The following ALG12 variants were observed in gnomAD, a reference collection of about 807,000 sequenced individuals.
ALG12 encodes the protein dol-P-Man:Man(7)GlcNAc(2)-PP-Dol alpha-1,6-mannosyltransferase.
In ALG12, 36 loss-of-function variants were observed where a neutral mutation model predicts 46.0. The ratio of observed to expected loss-of-function variants is 0.78; its 90% CI spans 0.60 to 1.03. ALG12 has a LOEUF of 1.03. Ranked by LOEUF, ALG12 falls within the 50% of genes least tolerant of loss-of-function variation. The pLI is 0.00. For missense variants in ALG12, 599 were observed against 633.5 expected, an observed-to-expected ratio of 0.95 and a Z score of 0.58; for synonymous variants, 326 against 291.6, an observed-to-expected ratio of 1.12 and a Z score of -1.20.
chr22:49,877,440 T>C, the ALG12 span, among the ~76,000 whole-genome samples: 8 of 151,734 alleles, frequency 5.3e-5, no homozygotes, highest in African/African-American at 1.9e-4. Context: ...TACAGATATG[T>C]ACCACCACAC....
At chr22:49,899,301 C>T (rs2060494851), downstream of ALG12, among the ~76,000 whole-genome samples, 1 of 151,904 alleles carries the variant, frequency 6.6e-6, no homozygotes, top group Admixed American at 6.6e-5. Context: ...ATGGTGAAAC[C>T]CTGTCTCTAC....
the ALG12 span, among the ~76,000 whole-genome samples, chr22:49,872,344 C>T: frequency 3.3e-5 from 5 of 152,160 alleles, no homozygotes; most frequent in East Asian, 9.6e-4. Flanking sequence ...AAGAGTACAG[C>T]AATTCCGCCG....
intron 1 of ALG12, among the ~76,000 whole-genome samples, chr22:49,917,170 T>G (rs1049283813): frequency 6.6e-6 from 1 of 152,244 alleles, no homozygotes; most frequent in Non-Finnish European, 1.5e-5. Flanking sequence ...GACACTGTCC[T>G]GCACTAGCCC....
chr22:49,867,292 G>A, the ALG12 span, among the ~76,000 whole-genome samples: 1 of 152,126 alleles, frequency 6.6e-6, no homozygotes, highest in Non-Finnish European at 1.5e-5. Flanking sequence ...AATGCCCAAC[G>A]CGTATGTTAT....
At chr22:49,914,697 G>T (rs1330323376) in intron 1 of ALG12, among the ~76,000 whole-genome samples, 1 of 152,212 alleles carries the variant, frequency 6.6e-6, no homozygotes, top group African/African-American at 2.4e-5. Flanking sequence ...AGAAGCAAAG[G>T]GAGAGAGAAC....
chr22:49,884,926 G>A, the ALG12 span: 1 of 1,605,970 alleles, frequency 6.2e-7, no homozygotes, highest in African/African-American at 1.3e-5. Flanking sequence ...TGACATAGGG[G>A]AGGCCTCGGC....
the ALG12 span, among the ~76,000 whole-genome samples, chr22:49,868,503 C>T: frequency 6.6e-6 from 1 of 152,092 alleles, no homozygotes; most frequent in Admixed American, 6.6e-5. Context: ...TACTTGAGCT[C>T]ATGAGGCGGA....
chr22:49,904,391 A>G lies in ALG12; in HGVS notation c.1108T>C (p.Tyr370His). Residue 370 changes from tyrosine (Y) to histidine (H), a missense_variant, in exon 8 of 10, where the codon TAC becomes CAC. Tyr to His is a moderately conservative substitution (Grantham distance 83). Transcript: ENST00000330817. ...CTCTGCATTGCGACGCCACCTGGGT[A>G]GTTGAAATGGGACACATACAGGGCC... is the stretch of plus-strand genomic sequence containing the variant. The part of the protein sequence containing the change: ...ATALYVSHFN[Y>H]PGGVAMQRLH... 2 of 1,614,168 alleles carry G rather than the reference A, an allele frequency of 1.2e-6. No individual in the cohort carries two copies. Among genetic ancestry groups the G allele is most frequent in the Non-Finnish European group, 8.5e-7 (1 of 1,180,024 alleles).
At chr22:49,865,493 CAAA>C in the ALG12 span, among the ~76,000 whole-genome samples, 2 of 144,712 alleles carry the variant, frequency 1.4e-5, no homozygotes, top group South Asian at 2.2e-4. Flanking sequence ...TATTAAAATA[CAAA>C]AAAAAAAAAA....
At chr22:49,895,303 T>C (rs1177366490), downstream of ALG12, among the ~76,000 whole-genome samples, 1 of 152,128 alleles carries the variant, frequency 6.6e-6, no homozygotes, top group Non-Finnish European at 1.5e-5. Flanking sequence ...TAGGGTCCTT[T>C]GTAGGGATTT....
In ALG12 at chr22:49,913,249, C is replaced by T. The variant is rs764902470; in HGVS notation, c.295+136G>A. The T allele has an allele frequency of 2.4e-5, 34 of 1,396,016 alleles. No homozygotes were observed. In the Admixed American group the frequency reaches 3.1e-4, roughly 13 times the overall value. 86.5% of individuals were successfully genotyped at this position (1,396,016 alleles called of 1,614,324 possible). ...CCTGACCTGAGCACCTGCTCTGAGC[C>T]GCCATGCCACGGTGATCGAGGGCAG... is the stretch of plus-strand genomic sequence containing the variant. On this transcript the variant is annotated intron_variant, in intron 3 of 9. Coordinates refer to ENST00000330817, the MANE Select transcript of ALG12 (RefSeq NM_024105.4).
the ALG12 span, among the ~76,000 whole-genome samples, chr22:49,868,000 A>G: frequency 6.6e-6 from 1 of 152,230 alleles, no homozygotes; most frequent in African/African-American, 2.4e-5. Flanking sequence ...AAAGATCAAC[A>G]TTCAGAATTC....
the ALG12 span, among the ~76,000 whole-genome samples, chr22:49,883,007 C>T: frequency 6.6e-6 from 1 of 152,194 alleles, no homozygotes; most frequent in East Asian, 1.9e-4. Context: ...GCTGTGAGTA[C>T]CTCTCATGAA....
In ALG12 at chr22:49,906,808, C is replaced by T. The variant is rs2060544521; in HGVS notation, c.992+913G>A. ...TCAGCCCTGGGTTCTTCCGCAGCACCCACAGGGCCAGCAGTGATGGACTCT... is the reference window on the plus strand; with the variant it reads ...TCAGCCCTGGGTTCTTCCGCAGCACTCACAGGGCCAGCAGTGATGGACTCT... On this transcript the variant is annotated intron_variant, in intron 7 of 9. Coordinates refer to ENST00000330817, the MANE Select transcript of ALG12 (RefSeq NM_024105.4). The surrounding 1 kb of genome is among the most constrained non-coding windows in gnomAD (Gnocchi z 4.4). Among the ~76,000 whole-genome samples, 1 of 152,138 alleles carries T rather than the reference C, an allele frequency of 6.6e-6. No homozygotes were observed. The highest frequency in any genetic ancestry group is 1.5e-5 in the Non-Finnish European group (1 of 68,014).
At position 49,913,525 on chromosome 22, in the gene ALG12, G is replaced by A. The variant is rs2060592285; in HGVS notation, c.163-8C>T. On this transcript the variant is annotated splice_polypyrimidine_tract_variant and splice_region_variant and intron_variant, in intron 2 of 9. Transcript: ENST00000330817. ...GAACTCAAGATGGTCGTACTGCGAG[G>A]AGAAGGGCAGGTCAGTGCACCGGGG... 1 of 1,613,952 alleles carries A rather than the reference G, an allele frequency of 6.2e-7. No individual in the cohort carries two copies. Among genetic ancestry groups the A allele is most frequent in the South Asian group, 1.1e-5 (1 of 91,074 alleles).
At chr22:49,880,490 G>C in the ALG12 span, among the ~76,000 whole-genome samples, 1 of 152,234 alleles carries the variant, frequency 6.6e-6, no homozygotes, top group Non-Finnish European at 1.5e-5. Context: ...CGCCGTGAGC[G>C]AGGGCAGGTG....
At chr22:49,864,950 C>CCA in the ALG12 span, among the ~76,000 whole-genome samples, 2 of 74,736 alleles carry the variant, frequency 2.7e-5, no homozygotes, top group African/African-American at 1.7e-4. Flanking sequence ...CCCCCCCCCC[C>CCA]CCGTGAAGTC....
At chr22:49,899,879 CG>C (rs1448204865), downstream of ALG12, among the ~76,000 whole-genome samples, 1 of 151,982 alleles carries the variant, frequency 6.6e-6, no homozygotes, top group African/African-American at 2.4e-5. Context: ...GTGAAAAAAA[CG>C]GTGGCTGGAA....
chr22:49,890,569 A>G, the ALG12 span, among the ~76,000 whole-genome samples: 1 of 152,224 alleles, frequency 6.6e-6, no homozygotes, highest in Non-Finnish European at 1.5e-5. Flanking sequence ...TGGATGCCTA[A>G]TGATTTCCCA....
Sources: allele counts gnomAD v4.1 joint callset (sites outside exome capture counted in the v4.1 genomes callset), GRCh38; gene constraint gnomAD v4.1.1; non-coding constraint Gnocchi (gnomAD v3.1); transcripts MANE v1.5; gene names NCBI Gene and HGNC (gene_info 2026-07-23, HGNC 2026-07-21).